The following TROAP variants were observed in gnomAD, a reference collection of about 807,000 sequenced individuals.
TROAP encodes the protein tastin.
In TROAP, 62 loss-of-function variants were observed where a neutral mutation model predicts 83.4. The ratio of observed to expected loss-of-function variants is 0.74; its 90% CI spans 0.61 to 0.92. The LOEUF (loss-of-function observed/expected upper bound fraction) is 0.92. Ranked by LOEUF, TROAP falls within the 40% of genes least tolerant of loss-of-function variation. The pLI, the probability that TROAP is intolerant of heterozygous loss-of-function variation, is 0.00. For missense variants in TROAP, 876 were observed against 985.1 expected, an observed-to-expected ratio of 0.89 and a Z score of 1.48; for synonymous variants, 352 against 386.4, an observed-to-expected ratio of 0.91 and a Z score of 1.04.
intron 1 of TROAP, 112 bp downstream of exon 1, chr12:49,323,461 A>T: frequency 9.0e-7 from 1 of 1,115,750 alleles, no homozygotes; most frequent in Non-Finnish European, 1.3e-6. Context: ...GATAGCACCC[A>T]TAAGAGCGGT....
At chr12:49,330,013 C>T (rs1208846773) in intron 12 of TROAP, 22 bp downstream of exon 12, 1 of 1,613,436 alleles carries the variant, frequency 6.2e-7, no homozygotes, top group South Asian at 1.1e-5. Flanking sequence ...TGGCCAACAG[C>T]TTTGATGTCT....
chr12:49,323,805 A>G (rs919832209), intron 2 of TROAP, 40 bp from the exon 3 acceptor site: 55 of 1,613,792 alleles, frequency 3.4e-5, no homozygotes, highest in Admixed American at 5.0e-5. Context: ...ATGCACCCCA[A>G]CACTAAACCT....
Position 49,330,328 on chromosome 12 carries a change from T to C in TROAP, c.1483T>C (p.Leu495=). 2 of 1,614,134 alleles carry C rather than the reference T, an allele frequency of 1.2e-6. No individual in the cohort carries two copies. Among genetic ancestry groups the C allele is most frequent in the Non-Finnish European group, 1.7e-6 (2 of 1,179,992 alleles). Residue 495 remains leucine (L), a synonymous_variant, in exon 13 of 15, where the codon TTA becomes CTA. Transcript: ENST00000257909. ...NSGTSHLPGL[L]KHSGLPKPCL... ...TGGGACTTCCCACCTTCCTGGACTG[T>C]TAAAACACTCAGGGCTGCCAAAGCC...
intron 8 of TROAP, among the ~76,000 whole-genome samples, chr12:49,328,364 C>A (rs1226592582): frequency 1.3e-5 from 2 of 151,854 alleles, no homozygotes; most frequent in Non-Finnish European, 2.9e-5. Flanking sequence ...GCTGGGAATA[C>A]AGGCATGCAC....
rs375522689 is a variant in TROAP, at chr12:49,329,358, G to A, written c.1105-37G>A. 2 of 1,613,408 alleles carry A rather than the reference G, an allele frequency of 1.2e-6. No homozygotes were observed. The highest frequency in any genetic ancestry group is 2.7e-5 in the African/African-American group (2 of 75,038). On this transcript the variant is annotated intron_variant, in intron 10 of 14. Transcript: ENST00000257909. The surrounding 1 kb of genome is among the most constrained non-coding windows in gnomAD (Gnocchi z 4.5). ...AAGGGGAGGCTGAGTGCCATCTGTGGGTGTCAGCCCTTGCTGACATCTCAC... is the reference window on the plus strand; with the variant it reads ...AAGGGGAGGCTGAGTGCCATCTGTGAGTGTCAGCCCTTGCTGACATCTCAC...
rs1943556351 is a variant in TROAP at position 49,330,147 on chromosome 12, C to T, written c.1302C>T (p.Arg434=). The change falls in exon 13 of 15, where the codon CGC becomes CGT. Residue 434 remains arginine, a splice_region_variant and synonymous_variant. Transcript: ENST00000257909. ...TPSLQEVKIQ[R]IGILQQLLRQ... Reference sequence around the variant, plus strand: ...TGGGGTGCTCTCTCCCACCACAGCGCATCGGTATCCTGCAACAGCTGTTGA... The same window carrying T: ...TGGGGTGCTCTCTCCCACCACAGCGTATCGGTATCCTGCAACAGCTGTTGA... 6.2e-7 allele frequency: 1 copy of T among 1,613,466 alleles called. No homozygotes were observed. The highest frequency in any genetic ancestry group is 8.5e-7 in the Non-Finnish European group (1 of 1,179,646).
In TROAP at chr12:49,325,778, G is replaced by A; in HGVS notation, c.527G>A (p.Arg176Lys). The change falls in exon 5 of 15, where the codon AGA becomes AAA. Residue 176 changes from arginine to lysine, a missense_variant. Physicochemically the swap from Arg to Lys is conservative, Grantham distance 26 (BLOSUM62 2). Around this residue, in one of 3 missense-constraint regions of TROAP, gnomAD observed 689 missense variants for 722.6 expected, o/e 0.95. Coordinates refer to ENST00000257909, the MANE Select transcript of TROAP (RefSeq NM_005480.4). ...GVRASAYLAP[R>K]TPTHRLDPAR... is the part of the protein sequence containing the mutation. ...CGGGCCTCTGCATATTTGGCCCCCAGAACCCCCACCCACCGACTGGACCCT... is the reference window on the plus strand; with the variant it reads ...CGGGCCTCTGCATATTTGGCCCCCAAAACCCCCACCCACCGACTGGACCCT... 6.2e-7 allele frequency: 1 copy of A among 1,614,064 alleles called. No individual in the cohort carries two copies. The highest frequency in any genetic ancestry group is 8.5e-7 in the Non-Finnish European group (1 of 1,179,980).
rs1943545664 is a variant in TROAP at position 49,329,331 on chromosome 12, G to A, written c.1105-64G>A. ...TGGGTACAGGAGAGAGAAGACAGAA[G>A]CAAGGGGAGGCTGAGTGCCATCTGT... is the stretch of plus-strand genomic sequence containing the variant. On this transcript the variant is annotated intron_variant, in intron 10 of 14. Coordinates refer to ENST00000257909, the MANE Select transcript of TROAP (RefSeq NM_005480.4). This position sits in a 1 kb window ranked among gnomAD's most constrained non-coding sequence, Gnocchi z 4.5. 3.7e-6 allele frequency: 6 copies of A among 1,612,846 alleles called. No homozygotes were observed. The highest frequency in any genetic ancestry group is 5.1e-6 in the Non-Finnish European group (6 of 1,178,968).
At chr12:49,324,578 T>C in intron 3 of TROAP, 1 of 165,380 alleles carries the variant, frequency 6.0e-6, no homozygotes, top group Non-Finnish European at 1.3e-5. Context: ...GTGTCTTATG[T>C]AACATTCTAT....
rs1279533055 is a variant in TROAP at position 49,329,257 on chromosome 12, A to T, written c.1104+13A>T. On this transcript the variant is annotated intron_variant, in intron 10 of 14. Coordinates refer to ENST00000257909, the MANE Select transcript of TROAP (RefSeq NM_005480.4). This position sits in a 1 kb window ranked among gnomAD's most constrained non-coding sequence, Gnocchi z 4.5. ...CAGAGTTCAGCAGGTAAGAGAGGGC[A>T]TGGAGAGGTGGCTGGCATAAGTCAC... 8 of 1,614,032 alleles carry T rather than the reference A, an allele frequency of 5.0e-6. No homozygotes were observed. In the East Asian group the frequency reaches 1.8e-4, roughly 36 times the overall value.
intron 6 of TROAP, 27 bp downstream of exon 6, chr12:49,326,185 G>A: frequency 1.2e-6 from 2 of 1,608,850 alleles, no homozygotes; most frequent in South Asian, 1.1e-5. Context: ...TGTGGGAGAA[G>A]GTCATCTGGA....
chr12:49,326,161 G>C lies in TROAP; in HGVS notation c.716+3G>C. The C allele has an allele frequency of 6.2e-7, 1 of 1,613,754 alleles. No individual in the cohort carries two copies. Among genetic ancestry groups the C allele is most frequent in the South Asian group, 1.1e-5 (1 of 91,056 alleles). ...AGGGAGACAGCTGGCAGCAGCCGGT[G>C]AGAAAGGAGAGGGTGTGGGAGAAGG... On this transcript the variant is annotated splice_donor_region_variant and intron_variant, in intron 6 of 14. Transcript: ENST00000257909.
Position 49,330,881 on chromosome 12 carries a change from C to A in TROAP, c.2036C>A (p.Pro679Gln), listed in dbSNP as rs151202383. ...TTSLIFSSQH[P>Q]LCASPPICSL... The stretch of plus-strand genomic sequence containing the variant: ...AGCCTGATCTTCTCTTCCCAACACC[C>A]GCTTTGTGCCAGCCCCCCTATCTGC... Residue 679 changes from proline (P) to glutamine (Q), a missense_variant, in exon 13 of 15, where the codon CCG becomes CAG. Transcript: ENST00000257909. 1.2e-6 allele frequency: 2 copies of A among 1,612,824 alleles called. No individual in the cohort carries two copies. The highest frequency in any genetic ancestry group is 1.7e-6 in the Non-Finnish European group (2 of 1,179,962).
In TROAP at chr12:49,329,030, T is replaced by A; in HGVS notation, c.995T>A (p.Val332Glu). The A allele has an allele frequency of 6.2e-6, 10 of 1,611,574 alleles. No individual in the cohort carries two copies. Among genetic ancestry groups the A allele is most frequent in the Non-Finnish European group, 8.5e-6 (10 of 1,178,322 alleles). The part of the protein sequence containing the change: ...CPSPFGRAQR[V>E]PSPGPPTLTS... ...TCACCCTTTGGACGGGCTCAGCGTGTACCCTCCCCAGGCCCTCCAACTCTG... is the reference window on the plus strand; with the variant it reads ...TCACCCTTTGGACGGGCTCAGCGTGAACCCTCCCCAGGCCCTCCAACTCTG... Residue 332 changes from valine to glutamate, a missense_variant, in exon 9 of 15, where the codon GTA becomes GAA. By Grantham distance (121) the Val-to-Glu change is moderately radical. Transcript: ENST00000257909. This position sits in a 1 kb window ranked among gnomAD's most constrained non-coding sequence, Gnocchi z 4.5.
chr12:49,325,953 G>A, intron 5 of TROAP, 69 bp downstream of exon 5: 1 of 1,604,446 alleles, frequency 6.2e-7, no homozygotes, highest in South Asian at 1.1e-5. Flanking sequence ...GCTGGGCTCT[G>A]GGAGAAGAGG....
chr12:49,323,895 A>T lies in TROAP; in HGVS notation c.195A>T (p.Ser65=). The T allele has an allele frequency of 1.9e-6, 3 of 1,614,052 alleles. No homozygotes were observed. Among genetic ancestry groups the T allele is most frequent in the Non-Finnish European group, 2.5e-6 (3 of 1,180,038 alleles). Residue 65 remains serine, a synonymous_variant, in exon 3 of 15, where the codon TCA becomes TCT. Transcript: ENST00000257909. ...PLNIQRPLVD[S]AGPRPKARHQ... ...ATATTCAACGCCCCCTCGTTGATTC[A>T]GCAGGCCCCAGGCCGAAAGCCAGGC...
chr12:49,327,780 C>A (rs1943522315), intron 8 of TROAP, among the ~76,000 whole-genome samples: 1 of 151,926 alleles, frequency 6.6e-6, no homozygotes, highest in Non-Finnish European at 1.5e-5. Context: ...ATGGTAAGTT[C>A]TCTCTAAAAT....
Position 49,330,814 on chromosome 12 carries a change from A to G in TROAP, c.1969A>G (p.Ser657Gly). 1 of 1,613,860 alleles carries G rather than the reference A, an allele frequency of 6.2e-7. No individual in the cohort carries two copies. Among genetic ancestry groups the G allele is most frequent in the Non-Finnish European group, 8.5e-7 (1 of 1,179,996 alleles). The change falls in exon 13 of 15, where the codon AGT becomes GGT. Residue 657 changes from serine to glycine, a missense_variant. By Grantham distance (56) the Ser-to-Gly change is moderately conservative. Transcript: ENST00000257909. ...CTLEHRSLES[S>G]LPPCCSQWAP... is the part of the protein sequence containing the mutation. ...CCTGGAACATAGAAGTCTAGAGTCC[A>G]GTCTACCACCCTGCTGCAGTCAGTG...
In TROAP at chr12:49,330,963, G is replaced by A. The variant is rs1943571872; in HGVS notation, c.2098+20G>A. Reference sequence around the variant, plus strand: ...AGGCAGGTAAGGAGTTGGCTGGGAAGGAGTGTGAACACAAGAGGTCCTCAC... The same window carrying A: ...AGGCAGGTAAGGAGTTGGCTGGGAAAGAGTGTGAACACAAGAGGTCCTCAC... On this transcript the variant is annotated intron_variant, in intron 13 of 14. Coordinates refer to ENST00000257909, the MANE Select transcript of TROAP (RefSeq NM_005480.4). 1.2e-6 allele frequency: 2 copies of A among 1,607,926 alleles called. No individual in the cohort carries two copies. The highest frequency in any genetic ancestry group is 1.1e-5 in the South Asian group (1 of 91,088).
Sources: allele counts gnomAD v4.1 joint callset (sites outside exome capture counted in the v4.1 genomes callset), GRCh38; gene constraint gnomAD v4.1.1; regional missense constraint gnomAD v4.1.1; non-coding constraint Gnocchi (gnomAD v3.1); transcripts MANE v1.5; gene names NCBI Gene and HGNC (gene_info 2026-07-23, HGNC 2026-07-21).